Variants in SCARA5 observed in about 807,000 individuals in gnomAD.
SCARA5 encodes scavenger receptor class A member 5, also known as scavenger receptor class A, member 5 (putative).
A neutral mutation model predicts 46.3 loss-of-function variants in SCARA5; 45 were observed. The observed-to-expected ratio is 0.97, with a 90% CI of 0.76 to 1.24. The LOEUF (loss-of-function observed/expected upper bound fraction) is 1.24, where lower values mean the gene tolerates loss of function less well. Ranked by LOEUF, SCARA5 falls within the 50% of genes most tolerant of loss-of-function variation. The pLI is 0.00. For missense variants in SCARA5, 680 were observed against 689.0 expected (o/e 0.99, Z 0.15); for synonymous variants, 333 against 306.5 (o/e 1.09, Z -0.90).
At chr8:27,924,322 C>A (rs896673526) in intron 3 of SCARA5, among the ~76,000 whole-genome samples, 6 of 152,230 alleles carry the variant, frequency 3.9e-5, no homozygotes, top group Non-Finnish European at 8.8e-5. Flanking sequence ...AATAAGTTCT[C>A]ATCCAGAACT....
At chr8:27,911,485 A>G (rs977017821) in intron 4 of SCARA5, among the ~76,000 whole-genome samples, 27 of 152,314 alleles carry the variant, frequency 1.8e-4, no homozygotes, top group African/African-American at 5.3e-4. Flanking sequence ...TGAGGTCAGG[A>G]GTTCGAGGCC....
chr8:27,902,572 G>A (rs1041253686), intron 7 of SCARA5, among the ~76,000 whole-genome samples: 5 of 152,186 alleles, frequency 3.3e-5, no homozygotes, highest in South Asian at 4.1e-4. Flanking sequence ...AGCCCCTCTG[G>A]CATGCGGGCA....
Position 27,899,562 on chromosome 8 carries a change from A to T in SCARA5, c.1153+5216T>A, listed in dbSNP as rs1477485691. The stretch of plus-strand genomic sequence containing the variant: ...GTCTACCACGCACGAGGCATTGGTC[A>T]TGTGCAAAGGGCCACCAGGGACAGC... On this transcript the variant is annotated intron_variant, in intron 7 of 8. Transcript: ENST00000354914. 3.3e-5 allele frequency among the ~76,000 whole-genome samples: 5 copies of T among 152,242 alleles called. No homozygotes were observed. In the East Asian group the frequency reaches 5.8e-4, roughly 18 times the overall value.
intron 8 of SCARA5, among the ~76,000 whole-genome samples, chr8:27,878,006 T>C (rs1205341403): frequency 1.3e-5 from 2 of 152,166 alleles, no homozygotes; most frequent in Non-Finnish European, 2.9e-5. Flanking sequence ...GACATGCCAC[T>C]TTCTCCCCTC....
At chr8:27,887,414 T>A (rs1806914353) in intron 7 of SCARA5, among the ~76,000 whole-genome samples, 1 of 152,184 alleles carries the variant, frequency 6.6e-6, no homozygotes, top group Non-Finnish European at 1.5e-5. Flanking sequence ...CATGCCTTCA[T>A]GGTTTGCAAG....
At chr8:27,934,299 C>T (rs1807822322) in intron 3 of SCARA5, among the ~76,000 whole-genome samples, 1 of 152,190 alleles carries the variant, frequency 6.6e-6, no homozygotes, top group African/African-American at 2.4e-5. Context: ...AAGAAAATTG[C>T]CCACTTCAGG....
At chr8:27,926,482 G>T (rs1807682879) in intron 3 of SCARA5, among the ~76,000 whole-genome samples, 1 of 152,082 alleles carries the variant, frequency 6.6e-6, no homozygotes, top group South Asian at 2.1e-4. Flanking sequence ...AGCATTAGGA[G>T]ATATACCTAA....
intron 3 of SCARA5, among the ~76,000 whole-genome samples, chr8:27,950,852 C>T (rs1282446193): frequency 6.8e-6 from 1 of 146,714 alleles, no homozygotes; most frequent in Non-Finnish European, 1.5e-5. Context: ...TGTGACAAAA[C>T]TCCTATTTCA....
intron 2 of SCARA5, among the ~76,000 whole-genome samples, chr8:27,976,702 A>C (rs563474303): frequency 4.6e-5 from 7 of 152,108 alleles, no homozygotes; most frequent in Admixed American, 4.6e-4. Flanking sequence ...CTCCCCTGCC[A>C]CTTGTAGAGG....
intron 3 of SCARA5, among the ~76,000 whole-genome samples, chr8:27,922,653 A>G (rs969887541): frequency 6.6e-6 from 1 of 152,212 alleles, no homozygotes; most frequent in African/African-American, 2.4e-5. Context: ...GCAGTTGCAT[A>G]TCAGCAGTTT....
At chr8:27,896,297 A>G (rs1255729857) in intron 7 of SCARA5, among the ~76,000 whole-genome samples, 1 of 151,894 alleles carries the variant, frequency 6.6e-6, no homozygotes, top group Non-Finnish European at 1.5e-5. Context: ...GGGCTAGTGG[A>G]CCTTCCTGGG....
At chr8:27,957,644 C>T (rs896206444) in intron 3 of SCARA5, among the ~76,000 whole-genome samples, 1 of 152,240 alleles carries the variant, frequency 6.6e-6, no homozygotes, top group African/African-American at 2.4e-5. Context: ...CACGCCATTC[C>T]CAGCTGCAGT....
At chr8:27,940,661 TCCATCCATTTGTCCAC>T (rs1807928712) in intron 3 of SCARA5, among the ~76,000 whole-genome samples, 1 of 104,032 alleles carries the variant, frequency 9.6e-6, no homozygotes, top group Non-Finnish European at 1.8e-5. Context: ...CATTTGTCCA[TCCATCCATTTGTCCAC>T]CCATCTGTCC....
Position 27,987,526 on chromosome 8 carries a change from G to A in SCARA5, c.90C>T (p.Ser30=), listed in dbSNP as rs1808721737. 6.2e-7 allele frequency: 1 copy of A among 1,613,400 alleles called. No homozygotes were observed. Among genetic ancestry groups the A allele is most frequent in the Admixed American group, 1.7e-5 (1 of 60,006 alleles). ...CEDSFDGRSL[S]KLNLCEDGPC... ...CACCATCCTCACACAGGTTCAGCTT[G>A]GACAGGCTCCTGCCATCAAAGGAAT... is the stretch of plus-strand genomic sequence containing the variant. Residue 30 remains serine, a synonymous_variant, in exon 2 of 9, where the codon TCC becomes TCT. Coordinates refer to ENST00000354914, the MANE Select transcript of SCARA5 (RefSeq NM_173833.6).
Position 27,954,983 on chromosome 8 carries a change from G to A in SCARA5, c.241+11431C>T, listed in dbSNP as rs148762231. ...TGACAACAAGCAGGAGAAACAAAGT[G>A]CTTTGCAGAAGCACTCCATCCAGCG... On this transcript the variant is annotated intron_variant, in intron 3 of 8. Coordinates refer to ENST00000354914, the MANE Select transcript of SCARA5 (RefSeq NM_173833.6). Among the ~76,000 whole-genome samples, 914 of 152,306 alleles carry A rather than the reference G, an allele frequency of 6.0e-3. 13 individuals carry two copies. The highest frequency in any genetic ancestry group is 0.021 in the African/African-American group (887 of 41,556).
rs534201304 is a variant in SCARA5, at chr8:27,886,998, G to C, written c.1154-7232C>G. On this transcript the variant is annotated intron_variant, in intron 7 of 8. Transcript: ENST00000354914. ...GTCAGGGAGATGCCTCTCTCTGCAC[G>C]TGGCAGTGGAGGAAAATGGGAGACA... Among the ~76,000 whole-genome samples the C allele has an allele frequency of 3.9e-5, 6 of 152,162 alleles. No homozygotes were observed. The South Asian group carries it at 1.2e-3, about 32-fold the overall frequency.
chr8:27,979,966 G>A (rs971855923), intron 2 of SCARA5, among the ~76,000 whole-genome samples: 9 of 152,114 alleles, frequency 5.9e-5, no homozygotes, highest in African/African-American at 1.9e-4. Flanking sequence ...GGCTGTGTGC[G>A]GGTCTGCACC....
intron 7 of SCARA5, among the ~76,000 whole-genome samples, chr8:27,889,114 C>A (rs1806943271): frequency 1.3e-5 from 2 of 152,138 alleles, no homozygotes; most frequent in South Asian, 2.1e-4. Flanking sequence ...CTTCTACAGG[C>A]CCCAAATCTC....
intron 3 of SCARA5, among the ~76,000 whole-genome samples, chr8:27,933,666 T>C (rs1174720918): frequency 1.3e-5 from 2 of 152,178 alleles, no homozygotes; most frequent in Non-Finnish European, 2.9e-5. Flanking sequence ...ATTTAAGTCA[T>C]AAAATGTCCA....
Sources: gnomAD v4.1 joint callset for allele counts (sites outside exome capture counted in the v4.1 genomes callset) on GRCh38, gnomAD v4.1.1 for gene constraint, MANE v1.5 for transcripts, NCBI Gene and HGNC (gene_info 2026-07-23, HGNC 2026-07-21) for gene names.